Variants in SMG6 observed in about 807,000 individuals in gnomAD.
SMG6 encodes telomerase-binding protein EST1A.
A neutral mutation model predicts 142.2 loss-of-function variants in SMG6; 66 were observed. That is an observed-to-expected ratio of 0.46 (90% CI 0.38 to 0.57). The LOEUF (loss-of-function observed/expected upper bound fraction) is 0.57. Ranked by LOEUF, SMG6 falls within the 20% of genes least tolerant of loss-of-function variation. The pLI is 0.00. For missense variants in SMG6, 1,793 were observed against 1,832.0 expected, an observed-to-expected ratio of 0.98 and a Z score of 0.39; for synonymous variants, 779 against 702.4, an observed-to-expected ratio of 1.11 and a Z score of -1.72.
chr17:2,190,245 G>A (rs560304298), intron 10 of SMG6, among the ~76,000 whole-genome samples: 6 of 152,178 alleles, frequency 3.9e-5, no homozygotes, highest in Admixed American at 2.0e-4. Flanking sequence ...AAGGGAGTAA[G>A]TCCAGAAAAG....
chr17:2,244,662 T>C lies in SMG6; in HGVS notation c.2719A>G (p.Ile907Val). The C allele has an allele frequency of 6.2e-7, 1 of 1,610,128 alleles. No homozygotes were observed. The highest frequency in any genetic ancestry group is 1.1e-5 in the South Asian group (1 of 90,982). ...ATAAACATCCTGCACACTTACCCAA[T>C]CCGGGTAAACAGCTTCCCATGGGCA... is the stretch of plus-strand genomic sequence containing the variant. The part of the protein sequence containing the change: ...LHAHGKLFTR[I>V]GMETFPAVAE... Residue 907 changes from isoleucine (I) to valine (V), a missense_variant, in exon 9 of 19, where the codon ATT (isoleucine) becomes GTT (valine). By Grantham distance (29) the Ile-to-Val change is conservative. Around this residue, in one of 3 missense-constraint regions of SMG6, gnomAD observed 1,597 missense variants for 1,584.6 expected, o/e 1.01. Transcript: ENST00000263073.
intron 8 of SMG6, among the ~76,000 whole-genome samples, chr17:2,266,862 C>T (rs1398644762): frequency 5.9e-5 from 9 of 152,202 alleles, no homozygotes; most frequent in Admixed American, 3.3e-4. Context: ...CAGCCCCAAT[C>T]CTTGCCTACC....
chr17:2,216,885 G>T (rs1051666001), intron 10 of SMG6, among the ~76,000 whole-genome samples: 1 of 152,102 alleles, frequency 6.6e-6, no homozygotes, highest in Non-Finnish European at 1.5e-5. Context: ...GGAAGAGTTA[G>T]AAGAATCAGT....
chr17:2,075,708 T>C (rs2068238806), intron 15 of SMG6, among the ~76,000 whole-genome samples: 1 of 152,210 alleles, frequency 6.6e-6, no homozygotes, highest in Non-Finnish European at 1.5e-5. Context: ...CAAATGGCAA[T>C]GGGAACAAAA....
At chr17:2,269,902 G>A (rs1263993941) in intron 8 of SMG6, among the ~76,000 whole-genome samples, 1 of 152,188 alleles carries the variant, frequency 6.6e-6, no homozygotes, top group Non-Finnish European at 1.5e-5. Context: ...GGTGGCTCAC[G>A]CCTGTAATCC....
At chr17:2,155,461 G>T (rs1018419717) in intron 13 of SMG6, among the ~76,000 whole-genome samples, 1 of 152,112 alleles carries the variant, frequency 6.6e-6, no homozygotes, top group Non-Finnish European at 1.5e-5. Context: ...AAATGATGAG[G>T]ATAGCCACCT....
intron 18 of SMG6, among the ~76,000 whole-genome samples, chr17:2,064,242 C>A (rs1277655964): frequency 6.6e-6 from 1 of 152,132 alleles, no homozygotes; most frequent in Non-Finnish European, 1.5e-5. Flanking sequence ...GCAGATGACA[C>A]AGAGCTGGCA....
chr17:2,149,838 C>T (rs2070774001), intron 13 of SMG6, among the ~76,000 whole-genome samples: 1 of 152,228 alleles, frequency 6.6e-6, no homozygotes, highest in African/African-American at 2.4e-5. Context: ...AGCACCAATT[C>T]CAACATTTCA....
intron 6 of SMG6, among the ~76,000 whole-genome samples, chr17:2,291,287 CG>C: frequency 6.6e-6 from 1 of 151,324 alleles, no homozygotes; most frequent in African/African-American, 2.4e-5. Context: ...GCCGAGATCG[CG>C]CCACTGCACT....
At chr17:2,069,882 T>G (rs1428836836) in intron 15 of SMG6, among the ~76,000 whole-genome samples, 2 of 152,216 alleles carry the variant, frequency 1.3e-5, no homozygotes, top group Non-Finnish European at 2.9e-5. Flanking sequence ...TACACTATTA[T>G]TTACTCGACG....
At chr17:2,221,863 C>T (rs1035526137) in intron 10 of SMG6, among the ~76,000 whole-genome samples, 1 of 152,028 alleles carries the variant, frequency 6.6e-6, no homozygotes, top group Non-Finnish European at 1.5e-5. Flanking sequence ...CCTGCCTCAG[C>T]CTCCCAAGTA....
chr17:2,112,103 G>A (rs1429262222), intron 13 of SMG6, among the ~76,000 whole-genome samples: 1 of 151,952 alleles, frequency 6.6e-6, no homozygotes, highest in African/African-American at 2.4e-5. Flanking sequence ...CTCCGTACTG[G>A]TAGGTATAGT....
chr17:2,303,413 G>T, intron 1 of SMG6: 1 of 1,256,484 alleles, frequency 8.0e-7, no homozygotes, highest in Non-Finnish European at 1.0e-6. Context: ...CAGGAATTCG[G>T]GCCAGGCTCT....
intron 10 of SMG6, among the ~76,000 whole-genome samples, chr17:2,210,905 C>T (rs533044012): frequency 2.0e-5 from 3 of 151,920 alleles, no homozygotes; most frequent in South Asian, 2.1e-4. Flanking sequence ...AGCCAAGACA[C>T]AGATTAGCTT....
intron 13 of SMG6, among the ~76,000 whole-genome samples, chr17:2,143,572 G>A (rs1366538513): frequency 6.6e-6 from 1 of 152,172 alleles, no homozygotes; most frequent in Non-Finnish European, 1.5e-5. Flanking sequence ...ACAGGGGCTA[G>A]GAAGAAGGGA....
chr17:2,282,358 G>C (rs1221398500), intron 8 of SMG6, among the ~76,000 whole-genome samples: 1 of 113,706 alleles, frequency 8.8e-6, no homozygotes, highest in Non-Finnish European at 1.7e-5. Flanking sequence ...GAATCCTAAA[G>C]CATCATGTTG....
At chr17:2,092,674 G>A (rs1162701242) in intron 13 of SMG6, among the ~76,000 whole-genome samples, 1 of 152,222 alleles carries the variant, frequency 6.6e-6, no homozygotes, top group Non-Finnish European at 1.5e-5. Context: ...GGGAACAGGG[G>A]AGTTGTGAAG....
In SMG6 at chr17:2,299,929, T is replaced by C. The variant is rs138212055; in HGVS notation, c.824A>G (p.Asp275Gly). ...NNSAEGAGLT[D>G]NGCRRRRQDR... ...CTGTCGGCGGCGGCGACATCCATTA[T>C]CCGTCAGGCCAGCTCCCTCAGCGCT... is the stretch of plus-strand genomic sequence containing the variant. Residue 275 changes from aspartate (D) to glycine (G), a missense_variant, in exon 2 of 19, where the codon GAT becomes GGT. Coordinates refer to ENST00000263073, the MANE Select transcript of SMG6 (RefSeq NM_017575.5). This position sits in a 1 kb window ranked among gnomAD's most constrained non-coding sequence, Gnocchi z 4.3. The C allele has an allele frequency of 1.1e-3, 1,749 of 1,614,166 alleles. 2 individuals carry two copies. The highest frequency in any genetic ancestry group is 1.3e-3 in the Non-Finnish European group (1,492 of 1,180,032).
At chr17:2,063,603 C>T (rs776299540) in intron 18 of SMG6, among the ~76,000 whole-genome samples, 116 of 152,340 alleles carry the variant, frequency 7.6e-4, no homozygotes, top group African/African-American at 2.1e-3. Context: ...AACCACACTT[C>T]CCAACAAGGC....
Sources: gnomAD v4.1 joint callset for allele counts (sites outside exome capture counted in the v4.1 genomes callset) on GRCh38, gnomAD v4.1.1 for gene constraint, gnomAD v4.1.1 regional missense constraint, Gnocchi (gnomAD v3.1) non-coding constraint, MANE v1.5 for transcripts, NCBI Gene and HGNC (gene_info 2026-07-23, HGNC 2026-07-21) for gene names.